COLQ: variants seen among roughly 807,000 people sequenced by gnomAD.
COLQ encodes acetylcholinesterase collagenic tail peptide.
A neutral mutation model predicts 69.0 loss-of-function variants in COLQ; 48 were observed. The observed-to-expected ratio is 0.70, with a 90% CI of 0.55 to 0.88. COLQ has a LOEUF of 0.88. Ranked by LOEUF, COLQ falls within the 40% of genes least tolerant of loss-of-function variation. The pLI, the probability that COLQ is intolerant of heterozygous loss-of-function variation, is 0.00. For missense variants in COLQ, 618 were observed against 594.6 expected (o/e 1.04, Z -0.41); for synonymous variants, 217 against 211.2 (o/e 1.03, Z -0.24).
At chr3:15,452,755 G>T (rs995644367) in intron 16 of COLQ, among the ~76,000 whole-genome samples, 3 of 152,202 alleles carry the variant, frequency 2.0e-5, no homozygotes, top group Non-Finnish European at 2.9e-5. Flanking sequence ...GCCTAAATGG[G>T]CTTAGAGTCT....
At chr3:15,506,721 C>G (rs556600854) in intron 1 of COLQ, 1 of 152,186 alleles carries the variant, frequency 6.6e-6, no homozygotes, top group Non-Finnish European at 1.5e-5. Context: ...CTAACCTGAG[C>G]GGGTTCACCC....
chr3:15,506,474 T>C (rs1359823406), intron 1 of COLQ: 1 of 152,224 alleles, frequency 6.6e-6, no homozygotes, highest in Non-Finnish European at 1.5e-5. Flanking sequence ...CATTACTTAG[T>C]TTTCTATGTA....
intron 1 of COLQ, among the ~76,000 whole-genome samples, chr3:15,495,075 C>G (rs1383926133): frequency 7.2e-6 from 1 of 139,812 alleles, no homozygotes; most frequent in East Asian, 2.2e-4. Flanking sequence ...AGTCTGGTTC[C>G]GGAGCCCTTC....
At chr3:15,514,119 T>C (rs2063023517) in intron 1 of COLQ, among the ~76,000 whole-genome samples, 1 of 152,164 alleles carries the variant, frequency 6.6e-6, no homozygotes, top group African/African-American at 2.4e-5. Context: ...AAATGGATGC[T>C]TCCTGAGAGC....
At chr3:15,521,376 G>A (rs1321269255) in intron 1 of COLQ, 144 bp downstream of exon 1, 5 of 1,060,908 alleles carry the variant, frequency 4.7e-6, no homozygotes, top group Non-Finnish European at 7.0e-6. Context: ...GTGACAGGAA[G>A]CTGCTGGGGT....
At chr3:15,514,247 T>C (rs1559534171) in intron 1 of COLQ, among the ~76,000 whole-genome samples, 1 of 152,156 alleles carries the variant, frequency 6.6e-6, no homozygotes, top group Admixed American at 6.5e-5. Flanking sequence ...ACAGTAGCCA[T>C]AGGAAACTAA....
chr3:15,494,799 C>A (rs937048113), intron 1 of COLQ, among the ~76,000 whole-genome samples: 1 of 152,162 alleles, frequency 6.6e-6, no homozygotes, highest in South Asian at 2.1e-4. Flanking sequence ...AGAGCAGGAG[C>A]CAGCTTTTAT....
intron 1 of COLQ, among the ~76,000 whole-genome samples, chr3:15,503,616 C>T (rs1200899463): frequency 6.6e-6 from 1 of 152,176 alleles, no homozygotes; most frequent in Admixed American, 6.5e-5. Context: ...GGGACACATT[C>T]CGTGATGTTC....
intron 12 of COLQ, among the ~76,000 whole-genome samples, chr3:15,458,955 T>C (rs770640051): frequency 3.3e-5 from 5 of 152,072 alleles, no homozygotes; most frequent in Non-Finnish European, 5.9e-5. Context: ...GTGAGTCTCC[T>C]GCCTCAGCCT....
intron 1 of COLQ, among the ~76,000 whole-genome samples, chr3:15,493,334 A>G (rs774432894): frequency 6.6e-5 from 10 of 152,236 alleles, no homozygotes; most frequent in Non-Finnish European, 1.2e-4. Context: ...GCTCTGGGGA[A>G]AAAGGAGATT....
At chr3:15,477,287 A>G in intron 5 of COLQ, 90 bp from the exon 6 acceptor site, 3 of 1,235,632 alleles carry the variant, frequency 2.4e-6, no homozygotes, top group Non-Finnish European at 3.5e-6. Flanking sequence ...CAGAGGAGAC[A>G]GTGGGTTCTC....
chr3:15,472,614 A>C (rs1484968564), intron 10 of COLQ, among the ~76,000 whole-genome samples: 2 of 152,306 alleles, frequency 1.3e-5, no homozygotes, highest in African/African-American at 2.4e-5. Flanking sequence ...AGCCAAAATG[A>C]TGTTAGCTTA....
intron 1 of COLQ, among the ~76,000 whole-genome samples, chr3:15,507,743 C>T (rs1421303919): frequency 6.6e-6 from 1 of 152,238 alleles, no homozygotes; most frequent in East Asian, 1.9e-4. Flanking sequence ...GCGTGAGCCA[C>T]TGCACCTAGC....
At chr3:15,478,248 T>TA (rs1375672824) in intron 5 of COLQ, among the ~76,000 whole-genome samples, 1 of 152,212 alleles carries the variant, frequency 6.6e-6, no homozygotes, top group Non-Finnish European at 1.5e-5. Flanking sequence ...ATCTGTGCCC[T>TA]AAAGAGTTGT....
chr3:15,461,865 A>G (rs1374183421), intron 12 of COLQ, among the ~76,000 whole-genome samples: 1 of 151,894 alleles, frequency 6.6e-6, no homozygotes, highest in Non-Finnish European at 1.5e-5. Flanking sequence ...GGATGTAGGT[A>G]TATACAGTTT....
intron 1 of COLQ, among the ~76,000 whole-genome samples, chr3:15,514,087 C>T (rs2063023135): frequency 6.6e-6 from 1 of 152,144 alleles, no homozygotes; most frequent in Non-Finnish European, 1.5e-5. Flanking sequence ...AGAAATGCAG[C>T]TCTAGAGCTG....
chr3:15,479,474 C>T lies in COLQ; in HGVS notation c.322-92G>A, dbSNP rs115383496. ...TTGGTGCACTGGGCTCCTACAGCAG[C>T]AACATCATTCTCTGGGCAGATGTAG... On this transcript the variant is annotated intron_variant, in intron 3 of 16. Transcript: ENST00000383788. The T allele has an allele frequency of 3.2e-6, 4 of 1,237,678 alleles. No homozygotes were observed. The South Asian group carries it at 3.6e-5, about 11-fold the overall frequency. 76.7% of individuals were successfully genotyped at this position (1,237,678 alleles called of 1,614,324 possible).
intron 1 of COLQ, chr3:15,498,697 T>TG: frequency 6.5e-7 from 1 of 1,546,656 alleles, no homozygotes; most frequent in Non-Finnish European, 8.7e-7. Flanking sequence ...GCATTAGGGG[T>TG]GGGAGTTGGC....
rs1240374103 is a variant in COLQ, at chr3:15,466,403, G to A, written c.752C>T (p.Pro251Leu). Residue 251 changes from proline to leucine, a missense_variant, in exon 12 of 17, where the codon CCA (proline) becomes CTA (leucine). By Grantham distance (98) the Pro-to-Leu change is moderately conservative. Coordinates refer to ENST00000383788, the MANE Select transcript of COLQ (RefSeq NM_005677.4). ...QKGDSGVMGP[P>L]GKPGPSGQPG... The stretch of plus-strand genomic sequence containing the variant: ...TTGACCAGAAGGCCCAGGCTTGCCT[G>A]GTGGGCCCATAACTCCACTATCCCC... The A allele has an allele frequency of 3.7e-6, 6 of 1,614,144 alleles. No individual in the cohort carries two copies. The highest frequency in any genetic ancestry group is 5.1e-6 in the Non-Finnish European group (6 of 1,180,034).
Sources: gnomAD v4.1 joint callset for allele counts (sites outside exome capture counted in the v4.1 genomes callset) on GRCh38, gnomAD v4.1.1 for gene constraint, MANE v1.5 for transcripts, NCBI Gene and HGNC (gene_info 2026-07-23, HGNC 2026-07-21) for gene names.